Variants in JAML observed in about 807,000 individuals in gnomAD.
The protein encoded by JAML is junctional adhesion molecule-like.
A neutral mutation model predicts 39.3 loss-of-function variants in JAML; 25 were observed. That is an observed-to-expected ratio of 0.64 (90% confidence interval 0.46 to 0.89). The LOEUF (loss-of-function observed/expected upper bound fraction) is 0.89. JAML is among the 40% of genes least tolerant of loss of function. JAML has a pLI of 0.00. For synonymous variants in JAML, 162 were observed against 179.2 expected (o/e 0.90, Z 0.77); for missense variants, 440 against 486.9 (o/e 0.90, Z 0.91).
intron 8 of JAML, 45 bp downstream of exon 8, chr11:118,197,953 C>T: frequency 3.8e-6 from 6 of 1,563,060 alleles, no homozygotes; most frequent in Non-Finnish European, 5.3e-6. Flanking sequence ...GAGAACGGCC[C>T]AGGCCTGCAT....
intron 4 of JAML, among the ~76,000 whole-genome samples, chr11:118,209,442 T>G (rs1948996440): frequency 1.3e-5 from 2 of 152,186 alleles, no homozygotes; most frequent in South Asian, 4.1e-4. Flanking sequence ...AGAGCACAAA[T>G]TTTAAAACCA....
intron 2 of JAML, among the ~76,000 whole-genome samples, chr11:118,214,103 G>A (rs1460576440): frequency 2.0e-5 from 3 of 152,154 alleles, no homozygotes; most frequent in Admixed American, 1.3e-4. Context: ...TGAGAGCAAA[G>A]CACCTGATTA....
intron 1 of JAML, among the ~76,000 whole-genome samples, chr11:118,218,815 A>G (rs770156428): frequency 2.0e-5 from 3 of 151,754 alleles, no homozygotes; most frequent in Non-Finnish European, 2.9e-5. Flanking sequence ...TTTAAAAAAA[A>G]TCCAGCAAAA....
Position 118,194,166 on chromosome 11 carries a change from T to G in JAML, c.*159A>C. The G allele has an allele frequency of 1.5e-6, 1 of 659,944 alleles. No individual in the cohort carries two copies. Among genetic ancestry groups the G allele is most frequent in the Non-Finnish European group, 2.7e-6 (1 of 369,448 alleles). The allele number at this position is 659,944 out of a possible 1,614,324, so 40.9% of individuals were successfully genotyped here. A position where few individuals can be genotyped will look rare whatever the true frequency, so the allele number is the denominator to read the frequency against. On this transcript the variant is annotated 3_prime_UTR_variant, in exon 10 of 10. Transcript: ENST00000356289. ...TTCCTCCAGAGCTGTCCAGTCTCTC[T>G]GCCAGGCTCCAAATTCTCCATCTTC... is the stretch of plus-strand genomic sequence containing the variant.
chr11:118,215,020 A>T, intron 1 of JAML, 134 bp from the exon 2 acceptor site: 1 of 698,944 alleles, frequency 1.4e-6, no homozygotes, highest in South Asian at 1.9e-5. Context: ...AGAAAAACAG[A>T]CGAGGTCCCA....
At position 118,200,563 on chromosome 11, in the gene JAML, C is replaced by A; in HGVS notation, c.822G>T (p.Gln274His). The A allele has an allele frequency of 2.5e-6, 4 of 1,614,154 alleles. No individual in the cohort carries two copies. Among genetic ancestry groups the A allele is most frequent in the Non-Finnish European group, 3.4e-6 (4 of 1,180,024 alleles). Residue 274 changes from glutamine to histidine, a missense_variant, in exon 7 of 10, where the codon CAG (glutamine) becomes CAT (histidine). Transcript: ENST00000356289. The stretch of plus-strand genomic sequence containing the variant: ...AGACAATTCCCACAATGATCACCAA[C>A]TGATTACCACCCAAGACCAGAGGCC... Reference protein sequence around the residue: ...ALRPLVLGGNQLVIIVGIVCA... With the variant: ...ALRPLVLGGNHLVIIVGIVCA...
In JAML at chr11:118,222,905, G is replaced by A. The variant is rs1413509253; in HGVS notation, c.-21+2036C>T. ...AGGTTAGGAGTTCCAGACCAGCCTG[G>A]CCAACATGGCAAAACCCCGTCTCTA... On this transcript the variant is annotated intron_variant, in intron 1 of 9. Transcript: ENST00000356289. The surrounding 1 kb of genome is among the most constrained non-coding windows in gnomAD (Gnocchi z 4.2). 1.3e-5 allele frequency among the ~76,000 whole-genome samples: 2 copies of A among 151,992 alleles called. No individual in the cohort carries two copies. Among genetic ancestry groups the A allele is most frequent in the African/African-American group, 4.8e-5 (2 of 41,386 alleles).
intron 9 of JAML, among the ~76,000 whole-genome samples, chr11:118,195,259 T>C (rs746852433): frequency 6.6e-6 from 1 of 152,074 alleles, no homozygotes; most frequent in Non-Finnish European, 1.5e-5. Context: ...AATGATTCCA[T>C]TCAGCTGCAA....
At position 118,224,537 on chromosome 11, in the gene JAML, A is replaced by G. The variant is rs542760463; in HGVS notation, c.-21+404T>C. 2.0e-5 allele frequency among the ~76,000 whole-genome samples: 3 copies of G among 152,348 alleles called. No homozygotes were observed. The East Asian group carries it at 5.8e-4, about 29-fold the overall frequency. On this transcript the variant is annotated intron_variant, in intron 1 of 9. Transcript: ENST00000356289. ...ATGTTGTATACCTTAAATACACACA[A>G]TAAAATTTGTTTAAAAATAAAATTA...
At chr11:118,216,288 G>A (rs1949140559) in intron 1 of JAML, among the ~76,000 whole-genome samples, 1 of 151,450 alleles carries the variant, frequency 6.6e-6, no homozygotes, top group African/African-American at 2.4e-5. Flanking sequence ...AGAATGGCGT[G>A]AACCTGGTAG....
intron 1 of JAML, among the ~76,000 whole-genome samples, chr11:118,219,681 G>A (rs1180174764): frequency 2.0e-5 from 3 of 152,156 alleles, no homozygotes; most frequent in Non-Finnish European, 2.9e-5. Context: ...AAATACATTT[G>A]CTGCCGGTGA....
At chr11:118,213,437 C>A in intron 2 of JAML, 2 of 617,066 alleles carry the variant, frequency 3.2e-6, no homozygotes, top group Non-Finnish European at 4.1e-6. Flanking sequence ...CCTGCCCCAA[C>A]AGTAGGCTCA....
At chr11:118,204,026 C>T (rs1948867986) in intron 5 of JAML, 1 of 246,536 alleles carries the variant, frequency 4.1e-6, no homozygotes. Context: ...AAACTGAACT[C>T]TTCATCTTTC....
chr11:118,199,550 AT>A (rs1948730782), intron 7 of JAML, among the ~76,000 whole-genome samples: 1 of 152,124 alleles, frequency 6.6e-6, no homozygotes, highest in Admixed American at 6.6e-5. Flanking sequence ...TACTCCATCG[AT>A]AGTTGGATAA....
At chr11:118,206,749 A>G (rs1948925109) in intron 4 of JAML, among the ~76,000 whole-genome samples, 1 of 152,124 alleles carries the variant, frequency 6.6e-6, no homozygotes, top group African/African-American at 2.4e-5. Context: ...CCTTCTGACT[A>G]TTGTACAAGC....
intron 2 of JAML, chr11:118,213,344 A>G (rs1949097899): frequency 2.0e-5 from 20 of 1,003,462 alleles, no homozygotes; most frequent in Non-Finnish European, 2.4e-5. Flanking sequence ...TTCATATCAG[A>G]GAAGAGCCAA....
At chr11:118,218,040 C>G (rs1949166531) in intron 1 of JAML, among the ~76,000 whole-genome samples, 1 of 152,246 alleles carries the variant, frequency 6.6e-6, no homozygotes, top group African/African-American at 2.4e-5. Context: ...AATATCATTT[C>G]CTCGGGAAAC....
intron 1 of JAML, among the ~76,000 whole-genome samples, chr11:118,215,927 G>GTAGC (rs1007262775): frequency 1.3e-5 from 2 of 152,124 alleles, no homozygotes; most frequent in Non-Finnish European, 2.9e-5. Flanking sequence ...GGCCTCAGCC[G>GTAGC]TGGTCTTTAC....
At position 118,194,274 on chromosome 11, in the gene JAML, C is replaced by T; in HGVS notation, c.*51G>A. On this transcript the variant is annotated 3_prime_UTR_variant, in exon 10 of 10. Coordinates refer to ENST00000356289, the MANE Select transcript of JAML (RefSeq NM_001098526.2). ...CACTGGTAGAGTGGCCCAGGACACA[C>T]ACAGGAGAGAGTCTCCACCGCTGCT... 1 of 1,511,092 alleles carries T rather than the reference C, an allele frequency of 6.6e-7. No individual in the cohort carries two copies. The highest frequency in any genetic ancestry group is 9.2e-7 in the Non-Finnish European group (1 of 1,086,848). The allele number at this position is 1,511,092 out of a possible 1,614,324, so 93.6% of individuals were successfully genotyped here.
Sources: gnomAD v4.1 joint callset for allele counts (sites outside exome capture counted in the v4.1 genomes callset) on GRCh38, gnomAD v4.1.1 for gene constraint, Gnocchi (gnomAD v3.1) non-coding constraint, MANE v1.5 for transcripts, NCBI Gene and HGNC (gene_info 2026-07-23, HGNC 2026-07-21) for gene names.